PRIMA1: variants seen among roughly 807,000 people sequenced by gnomAD.
PRIMA1 encodes proline rich membrane anchor 1, also known as proline-rich membrane anchor 1.
In PRIMA1, 7 loss-of-function variants were observed where a neutral mutation model predicts 17.5. The ratio of observed to expected loss-of-function variants is 0.40; its 90% CI spans 0.23 to 0.75. The LOEUF (loss-of-function observed/expected upper bound fraction) is 0.75. PRIMA1 is among the 30% of genes least tolerant of loss of function. PRIMA1 has a pLI of 0.37. For missense variants in PRIMA1, 200 were observed against 201.8 expected, an observed-to-expected ratio of 0.99 and a Z score of 0.05; for synonymous variants, 97 against 77.9, an observed-to-expected ratio of 1.25 and a Z score of -1.29.
intron 2 of PRIMA1, among the ~76,000 whole-genome samples, chr14:93,784,838 CA>C (rs1270616924): frequency 1.3e-5 from 2 of 152,186 alleles, no homozygotes; most frequent in Non-Finnish European, 2.9e-5. Flanking sequence ...TCTACATTGC[CA>C]AACTATCAGT....
chr14:93,774,110 T>A (rs1008188747), intron 3 of PRIMA1, among the ~76,000 whole-genome samples: 1 of 151,362 alleles, frequency 6.6e-6, no homozygotes, highest in African/African-American at 2.4e-5. Context: ...AGAAAAAAAA[T>A]TCATAGTAAA....
chr14:93,767,910 C>T (rs571697214), intron 3 of PRIMA1, among the ~76,000 whole-genome samples: 87 of 152,192 alleles, frequency 5.7e-4, no homozygotes, highest in African/African-American at 1.8e-3. Context: ...TGGAGGCAGG[C>T]GGAAGATCAG....
At chr14:93,764,572 G>A (rs1177705585) in intron 3 of PRIMA1, among the ~76,000 whole-genome samples, 1 of 152,128 alleles carries the variant, frequency 6.6e-6, no homozygotes, top group East Asian at 1.9e-4. Context: ...ACAATGTAGT[G>A]CTTGGCACAC....
Position 93,721,137 on chromosome 14 carries a change from G to T in PRIMA1, c.*307C>A. ...TCCCTCTGGCTTCGCCAGTGCGCAT[G>T]CTTTAGACAGCAGCTGGGGGCAGTC... On this transcript the variant is annotated 3_prime_UTR_variant, in exon 5 of 5. Transcript: ENST00000393140. The T allele has an allele frequency of 2.8e-6, 1 of 355,198 alleles. No individual in the cohort carries two copies. The highest frequency in any genetic ancestry group is 5.1e-6 in the Non-Finnish European group (1 of 194,246). 22.0% of individuals were successfully genotyped at this position (355,198 alleles called of 1,614,324 possible). A position where few individuals can be genotyped will look rare whatever the true frequency, so the allele number is the denominator to read the frequency against.
intron 2 of PRIMA1, among the ~76,000 whole-genome samples, chr14:93,779,615 G>A (rs939766163): frequency 6.6e-6 from 1 of 152,224 alleles, no homozygotes; most frequent in Non-Finnish European, 1.5e-5. Context: ...TTTCCCCATT[G>A]TACAAACGAG....
intron 3 of PRIMA1, among the ~76,000 whole-genome samples, chr14:93,751,156 C>T (rs946964299): frequency 2.0e-5 from 3 of 152,202 alleles, no homozygotes; most frequent in African/African-American, 7.2e-5. Context: ...TCTGACTTTT[C>T]GGGCACCTGC....
intron 4 of PRIMA1, 118 bp from the exon 5 acceptor site, chr14:93,721,664 G>C (rs2076039737): frequency 1.5e-6 from 1 of 668,632 alleles, no homozygotes; most frequent in Non-Finnish European, 2.7e-6. Flanking sequence ...GAGAGTGTCA[G>C]AAGGAAGCCA....
rs1425665478 is a variant in PRIMA1 at position 93,728,438 on chromosome 14, G to A, written c.360-6892C>T. On this transcript the variant is annotated intron_variant, in intron 4 of 4. Transcript: ENST00000393140. ...GGACAGAGCTGGGATGGAGGCCTGT[G>A]CAGCTGGAGAGTCCTGAGCGAGGGC... Among the ~76,000 whole-genome samples, 3 of 152,298 alleles carry A rather than the reference G, an allele frequency of 2.0e-5. No individual in the cohort carries two copies. The East Asian group carries it at 5.8e-4, about 30-fold the overall frequency.
chr14:93,749,742 C>A (rs1014150421), intron 3 of PRIMA1, among the ~76,000 whole-genome samples: 2 of 152,190 alleles, frequency 1.3e-5, no homozygotes, highest in African/African-American at 4.8e-5. Context: ...CATGGGGGCA[C>A]TTAATTAACA....
chr14:93,721,690 G>A (rs1232772915), intron 4 of PRIMA1, 144 bp from the exon 5 acceptor site: 1 of 632,038 alleles, frequency 1.6e-6, no homozygotes, highest in African/African-American at 1.8e-5. Context: ...TCTGTCCTCG[G>A]TTAGCATCCT....
chr14:93,724,491 C>T (rs1205472350), intron 4 of PRIMA1, among the ~76,000 whole-genome samples: 1 of 152,176 alleles, frequency 6.6e-6, no homozygotes, highest in African/African-American at 2.4e-5. Flanking sequence ...CGTTCCTGTC[C>T]TACCCACCCC....
intron 3 of PRIMA1, among the ~76,000 whole-genome samples, chr14:93,751,331 G>T (rs2076258049): frequency 6.6e-6 from 1 of 152,216 alleles, no homozygotes; most frequent in Middle Eastern, 3.2e-3. Context: ...AATTGCCTTT[G>T]CAGGACTTGG....
chr14:93,721,395 C>T lies in PRIMA1; in HGVS notation c.*49G>A. ...TGTCCACCTGCTTTCCCATGTCCAC[C>T]AGTGCCACCAAGGTGTCCCTCTGGC... On this transcript the variant is annotated 3_prime_UTR_variant, in exon 5 of 5. Coordinates refer to ENST00000393140, the MANE Select transcript of PRIMA1 (RefSeq NM_178013.4). The T allele has an allele frequency of 8.1e-7, 1 of 1,241,374 alleles. No individual in the cohort carries two copies. The highest frequency in any genetic ancestry group is 1.2e-5 in the South Asian group (1 of 82,142). 76.9% of individuals were successfully genotyped at this position (1,241,374 alleles called of 1,614,324 possible). A position where few individuals can be genotyped will look rare whatever the true frequency, so the allele number is the denominator to read the frequency against.
chr14:93,788,922 G>A (rs1269078660), upstream of PRIMA1, among the ~76,000 whole-genome samples: 2 of 152,162 alleles, frequency 1.3e-5, no homozygotes, highest in African/African-American at 4.8e-5. Flanking sequence ...GGGTGCCCGA[G>A]CTCTCTACTA....
At chr14:93,748,645 A>T (rs2141170608) in intron 3 of PRIMA1, among the ~76,000 whole-genome samples, 1 of 152,172 alleles carries the variant, frequency 6.6e-6, no homozygotes, top group East Asian at 1.9e-4. Flanking sequence ...GTGCCCTTCC[A>T]TCTATGGCTC....
intron 3 of PRIMA1, among the ~76,000 whole-genome samples, chr14:93,741,013 T>A (rs901545297): frequency 3.9e-5 from 6 of 152,206 alleles, no homozygotes; most frequent in Non-Finnish European, 8.8e-5. Context: ...GTTCACAGTA[T>A]CCTGCACAGG....
At position 93,741,103 on chromosome 14, in the gene PRIMA1, A is replaced by G. The variant is rs552311934; in HGVS notation, c.230-3733T>C. ...ACCAGAGGCAAAAACACTAACGGCT[A>G]TGAAATGAGGGAGGCATTTTGTGAA... On this transcript the variant is annotated intron_variant, in intron 3 of 4. Transcript: ENST00000393140. 1.6e-4 allele frequency among the ~76,000 whole-genome samples: 24 copies of G among 152,360 alleles called. No individual in the cohort carries two copies. The East Asian group carries it at 4.0e-3, about 26-fold the overall frequency.
intron 4 of PRIMA1, among the ~76,000 whole-genome samples, chr14:93,722,414 T>G (rs552482592): frequency 8.0e-5 from 12 of 150,432 alleles, no homozygotes; most frequent in Admixed American, 3.3e-4. Context: ...CTGGTGGTAA[T>G]GGGGTGATGG....
In PRIMA1 at chr14:93,779,204, CGGGGGTGGG is replaced by C; in HGVS notation, c.192_200del (p.Pro68_Pro70del). ...GGGCGGAGAGGAGTCTGGGAGGTGG[CGGGGGTGGG>C]GGCGGCGGGGGCAGCGGGGGAGGGG... is the stretch of plus-strand genomic sequence containing the variant. On this transcript the variant is annotated inframe_deletion, in exon 3 of 5. Transcript: ENST00000393140. The C allele has an allele frequency of 2.7e-6, 1 of 372,738 alleles. No individual in the cohort carries two copies. Among genetic ancestry groups the C allele is most frequent in the Non-Finnish European group, 3.3e-6 (1 of 304,564 alleles). The allele number at this position is 372,738 out of a possible 1,614,324, so 23.1% of individuals were successfully genotyped here.
Sources: gnomAD v4.1 joint callset for allele counts (sites outside exome capture counted in the v4.1 genomes callset) on GRCh38, gnomAD v4.1.1 for gene constraint, MANE v1.5 for transcripts, NCBI Gene and HGNC (gene_info 2026-07-23, HGNC 2026-07-21) for gene names.